Variants in ZNF84 observed in about 807,000 individuals in gnomAD.
ZNF84 encodes the protein zinc finger protein HPF2.
A neutral mutation model predicts 14.8 loss-of-function variants in ZNF84; 12 were observed. The ratio of observed to expected loss-of-function variants is 0.81; its 90% CI spans 0.52 to 1.31. The LOEUF is 1.31. ZNF84 is among the 50% of genes most tolerant of loss of function. The pLI is 0.00. For synonymous variants in ZNF84, 347 were observed against 291.1 expected, an observed-to-expected ratio of 1.19 and a Z score of -1.96; for missense variants, 859 against 878.6, an observed-to-expected ratio of 0.98 and a Z score of 0.28.
Position 133,057,387 on chromosome 12 carries a change from A to G in ZNF84, c.672A>G (p.Lys224=). ...KRFSKKPSLI[K]HQSRHIRDIA... ...TCAGTAAGAAACCAAGTCTCATTAA[A>G]CATCAGAGCAGACATATAAGAGACA... Residue 224 remains lysine (K), a synonymous_variant, in exon 5 of 5, where the codon AAA becomes AAG. Transcript: ENST00000539354. 6.2e-7 allele frequency: 1 copy of G among 1,614,094 alleles called. No homozygotes were observed. Among genetic ancestry groups the G allele is most frequent in the Middle Eastern group, 1.7e-4 (1 of 6,060 alleles).
At position 133,058,848 on chromosome 12, in the gene ZNF84, T is replaced by C. The variant is rs1458013634; in HGVS notation, c.2133T>C (p.Tyr711=). 3.1e-6 allele frequency: 5 copies of C among 1,613,866 alleles called. No individual in the cohort carries two copies. In the African/African-American group the frequency reaches 4.0e-5, roughly 13 times the overall value. Residue 711 remains tyrosine (Y), a synonymous_variant, in exon 5 of 5, where the codon TAT becomes TAC. Coordinates refer to ENST00000539354, the MANE Select transcript of ZNF84 (RefSeq NM_001289971.2). ...HQRIHTGEKP[Y]RCIECGKAFS... ...GAATTCATACAGGAGAGAAGCCTTATCGATGCATTGAATGTGGGAAAGCTT... is the reference window on the plus strand; with the variant it reads ...GAATTCATACAGGAGAGAAGCCTTACCGATGCATTGAATGTGGGAAAGCTT...
chr12:133,050,568 T>C (rs1566282690), intron 4 of ZNF84: 1 of 398,668 alleles, frequency 2.5e-6, no homozygotes, highest in East Asian at 3.6e-5. Flanking sequence ...CAGTTATTTC[T>C]TCCTATCTCC....
In ZNF84 at chr12:133,048,011, A is replaced by G; in HGVS notation, c.72A>G (p.Leu24=). 6.2e-7 allele frequency: 1 copy of G among 1,614,038 alleles called. No homozygotes were observed. Among genetic ancestry groups the G allele is most frequent in the Non-Finnish European group, 8.5e-7 (1 of 1,179,948 alleles). Residue 24 remains leucine (L), a synonymous_variant, in exon 3 of 5, where the codon CTA becomes CTG. Coordinates refer to ENST00000539354, the MANE Select transcript of ZNF84 (RefSeq NM_001289971.2). Reference sequence around the variant, plus strand: ...ACTTCACCCAAAAGGAGTGGCAGCTACTGGATCCCTCTCAGAAGAATTTAT... The same window carrying G: ...ACTTCACCCAAAAGGAGTGGCAGCTGCTGGATCCCTCTCAGAAGAATTTAT... ...SVDFTQKEWQ[L]LDPSQKNLYK... is the part of the protein sequence containing the mutation.
rs1329188434 is a variant in ZNF84, at chr12:133,059,139, C to T, written c.*207C>T. The T allele has an allele frequency of 1.9e-6, 1 of 532,700 alleles. No individual in the cohort carries two copies. Among genetic ancestry groups the T allele is most frequent in the East Asian group, 3.0e-5 (1 of 33,544 alleles). 33.0% of individuals were successfully genotyped at this position (532,700 alleles called of 1,614,324 possible). On this transcript the variant is annotated 3_prime_UTR_variant, in exon 5 of 5. Coordinates refer to ENST00000539354, the MANE Select transcript of ZNF84 (RefSeq NM_001289971.2). ...AGTGGATCTCAAAAACTTTTAAAAC[C>T]ATAGACAAGCCTTATAGAGTAGAAC...
Position 133,061,491 on chromosome 12 carries a change from C to T in ZNF84, c.*2559C>T, listed in dbSNP as rs969829916. 6.6e-6 allele frequency: 1 copy of T among 152,106 alleles called. No individual in the cohort carries two copies. Among genetic ancestry groups the T allele is most frequent in the Non-Finnish European group, 1.5e-5 (1 of 68,002 alleles). 9.4% of individuals were successfully genotyped at this position (152,106 alleles called of 1,614,324 possible). A position where few individuals can be genotyped will look rare whatever the true frequency, so the allele number is the denominator to read the frequency against. ...AAAAGAAAAGAAAAAGAACTTCCTACTTTTTAATATCTCAAATTCATTTTA... is the reference window on the plus strand; with the variant it reads ...AAAAGAAAAGAAAAAGAACTTCCTATTTTTTAATATCTCAAATTCATTTTA... On this transcript the variant is annotated 3_prime_UTR_variant, in exon 5 of 5. Transcript: ENST00000539354.
At chr12:133,038,450 A>C (rs1953827374) in intron 1 of ZNF84, among the ~76,000 whole-genome samples, 1 of 143,058 alleles carries the variant, frequency 7.0e-6, no homozygotes, top group African/African-American at 2.7e-5. Flanking sequence ...AGCCCCAGCT[A>C]CTCTGTAGGT....
rs1158448693 is a variant in ZNF84, at chr12:133,060,904, AAT to A, written c.*1975_*1976del. ...ATGCTGATGAAATTTAGAAAAGTCCAATATTGAGCTTGATTGCAAACTTAGAA... is the reference window on the plus strand; with the variant it reads ...ATGCTGATGAAATTTAGAAAAGTCCAATTGAGCTTGATTGCAAACTTAGAA... On this transcript the variant is annotated 3_prime_UTR_variant, in exon 5 of 5. Transcript: ENST00000539354. The A allele has an allele frequency of 6.6e-6, 1 of 152,210 alleles. No individual in the cohort carries two copies. Among genetic ancestry groups the A allele is most frequent in the Non-Finnish European group, 1.5e-5 (1 of 68,034 alleles). The allele number at this position is 152,210 out of a possible 1,614,324, so 9.4% of individuals were successfully genotyped here. A position where few individuals can be genotyped will look rare whatever the true frequency, so the allele number is the denominator to read the frequency against.
intron 4 of ZNF84, among the ~76,000 whole-genome samples, chr12:133,053,670 G>T (rs745949651): frequency 7.2e-4 from 109 of 152,266 alleles, no homozygotes; most frequent in Non-Finnish European, 1.2e-3. Context: ...TTGAGCCCAG[G>T]AGTTCAAGGC....
intron 4 of ZNF84, among the ~76,000 whole-genome samples, chr12:133,055,359 G>A (rs1954136180): frequency 1.3e-5 from 2 of 151,970 alleles, no homozygotes; most frequent in Non-Finnish European, 2.9e-5. Context: ...AATCTTTTTA[G>A]ATAGAATAGT....
In ZNF84 at chr12:133,060,160, C is replaced by G. The variant is rs992072047; in HGVS notation, c.*1228C>G. The stretch of plus-strand genomic sequence containing the variant: ...CTTAAGTGATATGTAACCCAAATGT[C>G]ACTATTTTAATTTACTGTGATAAAG... On this transcript the variant is annotated 3_prime_UTR_variant, in exon 5 of 5. Coordinates refer to ENST00000539354, the MANE Select transcript of ZNF84 (RefSeq NM_001289971.2). 6.6e-6 allele frequency: 1 copy of G among 152,058 alleles called. No homozygotes were observed. The highest frequency in any genetic ancestry group is 2.4e-5 in the African/African-American group (1 of 41,372). The allele number at this position is 152,058 out of a possible 1,614,324, so 9.4% of individuals were successfully genotyped here.
chr12:133,062,908 T>C lies in ZNF84; in HGVS notation c.*3976T>C. ...AAATCTGCAATTGAAATGCCCTTGTTCCTTGTTAATGCCTATTGAATCTAT... is the reference window on the plus strand; with the variant it reads ...AAATCTGCAATTGAAATGCCCTTGTCCCTTGTTAATGCCTATTGAATCTAT... On this transcript the variant is annotated 3_prime_UTR_variant, in exon 5 of 5. Coordinates refer to ENST00000539354, the MANE Select transcript of ZNF84 (RefSeq NM_001289971.2). The C allele has an allele frequency of 1.8e-6, 1 of 557,282 alleles. No individual in the cohort carries two copies. Among genetic ancestry groups the C allele is most frequent in the Non-Finnish European group, 3.2e-6 (1 of 312,766 alleles). 34.5% of individuals were successfully genotyped at this position (557,282 alleles called of 1,614,324 possible). A position where few individuals can be genotyped will look rare whatever the true frequency, so the allele number is the denominator to read the frequency against.
intron 2 of ZNF84, among the ~76,000 whole-genome samples, chr12:133,043,705 T>C (rs995505251): frequency 1.1e-4 from 17 of 152,294 alleles, no homozygotes; most frequent in Middle Eastern, 3.4e-3. Context: ...AACATGGAAA[T>C]ACGCAATATT....
chr12:133,055,586 AAG>A (rs1954140803), intron 4 of ZNF84, among the ~76,000 whole-genome samples: 2 of 152,192 alleles, frequency 1.3e-5, no homozygotes, highest in African/African-American at 2.4e-5. Flanking sequence ...TATTTAAAAA[AAG>A]AATACAAAAA....
intron 4 of ZNF84, among the ~76,000 whole-genome samples, chr12:133,053,672 G>C (rs1954106430): frequency 6.6e-6 from 1 of 152,150 alleles, no homozygotes; most frequent in Non-Finnish European, 1.5e-5. Flanking sequence ...GAGCCCAGGA[G>C]TTCAAGGCTG....
chr12:133,053,815 A>G (rs780290690), intron 4 of ZNF84, among the ~76,000 whole-genome samples: 7 of 152,126 alleles, frequency 4.6e-5, no homozygotes, highest in Non-Finnish European at 8.8e-5. Context: ...GTCTTCCTCA[A>G]TTCATAAACA....
Position 133,041,512 on chromosome 12 carries a change from C to T in ZNF84, c.15+30C>T, listed in dbSNP as rs1307540722. 1.9e-5 allele frequency: 31 copies of T among 1,610,992 alleles called. No homozygotes were observed. The African/African-American group carries it at 3.6e-4, about 19-fold the overall frequency. ...GTTGATTGTTGAGTTCTTATTTTTT[C>T]CCAGGGAATTAGAAGAAATGTATAA... On this transcript the variant is annotated intron_variant, in intron 2 of 4. Transcript: ENST00000539354.
chr12:133,062,873 AT>A lies in ZNF84; in HGVS notation c.*3942del. The A allele has an allele frequency of 1.9e-6, 1 of 530,622 alleles. No individual in the cohort carries two copies. The highest frequency in any genetic ancestry group is 3.4e-6 in the Non-Finnish European group (1 of 298,112). The allele number at this position is 530,622 out of a possible 1,614,324, so 32.9% of individuals were successfully genotyped here. A position where few individuals can be genotyped will look rare whatever the true frequency, so the allele number is the denominator to read the frequency against. On this transcript the variant is annotated 3_prime_UTR_variant, in exon 5 of 5. Coordinates refer to ENST00000539354, the MANE Select transcript of ZNF84 (RefSeq NM_001289971.2). ...TTCCTTGAGATTTCTATTATCACTTATGTTTTTGCAAATCTGCAATTGAAAT... is the reference window on the plus strand; with the variant it reads ...TTCCTTGAGATTTCTATTATCACTTAGTTTTTGCAAATCTGCAATTGAAAT...
chr12:133,062,882 C>A lies in ZNF84; in HGVS notation c.*3950C>A. 1.9e-6 allele frequency: 1 copy of A among 525,100 alleles called. No individual in the cohort carries two copies. The highest frequency in any genetic ancestry group is 3.4e-6 in the Non-Finnish European group (1 of 294,856). The allele number at this position is 525,100 out of a possible 1,614,324, so 32.5% of individuals were successfully genotyped here. On this transcript the variant is annotated 3_prime_UTR_variant, in exon 5 of 5. Coordinates refer to ENST00000539354, the MANE Select transcript of ZNF84 (RefSeq NM_001289971.2). ...ATTTCTATTATCACTTATGTTTTTG[C>A]AAATCTGCAATTGAAATGCCCTTGT...
chr12:133,051,489 A>G (rs894584851), intron 4 of ZNF84, among the ~76,000 whole-genome samples: 7 of 152,180 alleles, frequency 4.6e-5, no homozygotes, highest in Non-Finnish European at 1.0e-4. Context: ...CAGATTTACT[A>G]CAGTGACACT....
Sources: allele counts gnomAD v4.1 joint callset (sites outside exome capture counted in the v4.1 genomes callset), GRCh38; gene constraint gnomAD v4.1.1; transcripts MANE v1.5; gene names NCBI Gene and HGNC (gene_info 2026-07-23, HGNC 2026-07-21).